The following ATG9B variants were observed in gnomAD, a reference collection of about 807,000 sequenced individuals.
ATG9B encodes autophagy-related protein 9B.
Under a neutral mutation model 92.9 loss-of-function variants are expected in ATG9B, and 92 were observed. That is an observed-to-expected ratio of 0.99 (90% CI 0.84 to 1.18). ATG9B has a LOEUF of 1.18. Ranked by LOEUF, ATG9B falls within the 50% of genes most tolerant of loss-of-function variation. The pLI is 0.00. For synonymous variants in ATG9B, 599 were observed against 551.4 expected (o/e 1.09, Z -1.21); for missense variants, 1,344 against 1,235.0 (o/e 1.09, Z -1.32).
chr7:151,023,594 C>T, intron 2 of ATG9B, 85 bp from the exon 3 acceptor site: 2 of 1,610,018 alleles, frequency 1.2e-6, no homozygotes, highest in Non-Finnish European at 1.7e-6. Context: ...GTCTCCCACC[C>T]ATGACGCCCT....
At chr7:151,019,494 C>CAGTGTGCGGCCTGAAAACCCGCAAACTGA in intron 5 of ATG9B, 120 bp from the exon 6 acceptor site, 1 of 1,325,154 alleles carries the variant, frequency 7.5e-7, no homozygotes, top group Non-Finnish European at 9.9e-7. Context: ...ATCACAAACT[C>CAGTGTGCGGCCTGAAAACCCGCAAACTGA]GCCATGACCA....
In ATG9B at chr7:151,021,196, T is replaced by A; in HGVS notation, c.955A>T (p.Ile319Phe). The change falls in exon 5 of 14, where the codon ATC becomes TTC. Residue 319 changes from isoleucine to phenylalanine, a missense_variant. Transcript: ENST00000639579. Reference protein sequence around the residue: ...IQVFYREALHIPPEELSSVPW... With the variant: ...IQVFYREALHFPPEELSSVPW... ...ACAGCCACCCAGCTCACCGGGGGGA[T>A]GTGCAGGGCCTCCCTGTAAAACACC... 6.2e-7 allele frequency: 1 copy of A among 1,613,352 alleles called. No homozygotes were observed. The highest frequency in any genetic ancestry group is 8.5e-7 in the Non-Finnish European group (1 of 1,179,868).
rs1217288000 is a variant in ATG9B, at chr7:151,021,987, CCTT to C, written c.822-661_822-659del. The stretch of plus-strand genomic sequence containing the variant: ...TTAAAGTTGTTCTCAGCTACAATTT[CCTT>C]CTTTTTTTTTTTTCCTTTTTATTGA... On this transcript the variant is annotated intron_variant, in intron 4 of 13. Transcript: ENST00000639579. Among the ~76,000 whole-genome samples the C allele has an allele frequency of 2.7e-5, 4 of 148,440 alleles. 1 individual carries two copies. Among genetic ancestry groups the C allele is most frequent in the East Asian group, 1.9e-4 (1 of 5,130 alleles).
At chr7:151,014,213 C>G (rs199762416), downstream of ATG9B, 171 of 1,552,554 alleles carry the variant, frequency 1.1e-4, no homozygotes, top group Middle Eastern at 1.1e-3. Flanking sequence ...AGCGGCTGCC[C>G]GACTCAGGTC....
chr7:151,021,992 TTTTTTTTTTTTCC>T (rs1795772721), intron 4 of ATG9B, among the ~76,000 whole-genome samples: 1 of 128,100 alleles, frequency 7.8e-6, no homozygotes, highest in South Asian at 2.3e-4. Context: ...AATTTCCTTC[TTTTTTTTTTTTCC>T]TTTTTATTGA....
At chr7:151,012,224 T>G, downstream of ATG9B, 3 of 841,432 alleles carry the variant, frequency 3.6e-6, no homozygotes, top group Non-Finnish European at 5.2e-6. Flanking sequence ...TTTTGTTTTT[T>G]GTTTTTTTTT....
At position 151,018,760 on chromosome 7, in the gene ATG9B, C is replaced by T. The variant is rs1442670348; in HGVS notation, c.1578G>A (p.Leu526=). Reference sequence around the variant, plus strand: ...CGAAGAAAACGAGCTGGCGGGCCAGCAGCGTGCGCAGGGGCGCGGGGGGCG... The same window carrying T: ...CGAAGAAAACGAGCTGGCGGGCCAGTAGCGTGCGCAGGGGCGCGGGGGGCG... The part of the protein sequence containing the change: ...TAAPPAPLRT[L]LARQLVFFAG... Residue 526 remains leucine, a synonymous_variant, in exon 6 of 14, where the codon CTG becomes CTA. Transcript: ENST00000639579. This position sits in a 1 kb window ranked among gnomAD's most constrained non-coding sequence, Gnocchi z 4.7. 7 of 1,523,978 alleles carry T rather than the reference C, an allele frequency of 4.6e-6. No homozygotes were observed. The highest frequency in any genetic ancestry group is 6.1e-6 in the Non-Finnish European group (7 of 1,141,196). The allele number at this position is 1,523,978 out of a possible 1,614,324, so 94.4% of individuals were successfully genotyped here.
downstream of ATG9B, chr7:151,012,547 G>C: frequency 3.3e-6 from 5 of 1,516,940 alleles, no homozygotes; most frequent in Non-Finnish European, 2.7e-6. Context: ...CTGGAAGGCA[G>C]GAAATAGGAA....
chr7:151,017,693 G>A (rs1795557858), intron 8 of ATG9B, among the ~76,000 whole-genome samples, 178 bp downstream of exon 8: 1 of 152,230 alleles, frequency 6.6e-6, no homozygotes, highest in Non-Finnish European at 1.5e-5. Context: ...GCTCTGGAGA[G>A]CACATTGCCA....
chr7:151,015,762 A>C, intron 13 of ATG9B, 49 bp from the exon 14 acceptor site: 1 of 1,349,872 alleles, frequency 7.4e-7, no homozygotes, highest in Non-Finnish European at 9.8e-7. Flanking sequence ...TCTAGATTCC[A>C]GAGATGACCA....
Position 151,018,978 on chromosome 7 carries a change from G to A in ATG9B, c.1360C>T (p.Leu454=). 1 of 1,579,304 alleles carries A rather than the reference G, an allele frequency of 6.3e-7. No homozygotes were observed. The highest frequency in any genetic ancestry group is 2.3e-5 in the East Asian group (1 of 42,644). ...ALNLALSPLV[L]AWQVLHVFYS... ...AAGACGTGCAGAACCTGCCAGGCCA[G>A]CACCAGCGGGCTCAGCGCCAGGTTC... is the stretch of plus-strand genomic sequence containing the variant. The change falls in exon 6 of 14, where the codon CTG becomes TTG. Residue 454 remains leucine (L), a synonymous_variant. Transcript: ENST00000639579. This position sits in a 1 kb window ranked among gnomAD's most constrained non-coding sequence, Gnocchi z 4.7.
chr7:151,024,063 G>C lies in ATG9B; in HGVS notation c.361C>G (p.Pro121Ala). The change falls in exon 1 of 14, where the codon CCC becomes GCC. Residue 121 changes from proline to alanine, a missense_variant. Physicochemically the swap from Pro to Ala is conservative, Grantham distance 27. Coordinates refer to ENST00000639579, the MANE Select transcript of ATG9B (RefSeq NM_001317056.2). ...SPSWGSHSTP[P>A]LAPATPTPSQ... ...GGAGTGGGGGTTGCCGGGGCCAGGG[G>C]TGGGGTGGAGTGGGATCCCCAGGAG... 1 of 1,594,116 alleles carries C rather than the reference G, an allele frequency of 6.3e-7. No individual in the cohort carries two copies. The highest frequency in any genetic ancestry group is 8.5e-7 in the Non-Finnish European group (1 of 1,170,750).
chr7:151,021,060 T>C, intron 5 of ATG9B, 128 bp downstream of exon 5: 2 of 1,113,564 alleles, frequency 1.8e-6, no homozygotes, highest in Non-Finnish European at 2.6e-6. Flanking sequence ...AGGGCAGGTG[T>C]CAATAAGACC....
downstream of ATG9B, chr7:151,013,552 T>TCCCGCCCCTGC (rs902753979): frequency 1.1e-4 from 103 of 931,752 alleles, no homozygotes; most frequent in African/African-American, 1.4e-3. Flanking sequence ...GCCCGCCTCC[T>TCCCGCCCCTGC]CCCGCCCCTG....
intron 5 of ATG9B, chr7:151,019,819 C>T (rs912502706): frequency 6.3e-6 from 1 of 158,494 alleles, no homozygotes; most frequent in African/African-American, 2.4e-5. Context: ...CTTAGGAGCT[C>T]GAGACCAGCC....
intron 3 of ATG9B, 33 bp from the exon 4 acceptor site, chr7:151,023,239 G>A: frequency 6.2e-7 from 1 of 1,613,642 alleles, no homozygotes; most frequent in Non-Finnish European, 8.5e-7. Flanking sequence ...CCGGGATGCT[G>A]CAGTGATCAG....
rs1795434611 is a variant in ATG9B, at chr7:151,015,319, G to A, written c.*409C>T. 1 of 152,382 alleles carries A rather than the reference G, an allele frequency of 6.6e-6. No individual in the cohort carries two copies. Among genetic ancestry groups the A allele is most frequent in the Non-Finnish European group, 1.5e-5 (1 of 68,190 alleles). The allele number at this position is 152,382 out of a possible 1,614,324, so 9.4% of individuals were successfully genotyped here. A position where few individuals can be genotyped will look rare whatever the true frequency, so the allele number is the denominator to read the frequency against. ...CCCCAAGGAACCTGAAAGTGCTGCT[G>A]GCAGCCGCCAGCATGACGAATCCAC... On this transcript the variant is annotated 3_prime_UTR_variant, in exon 14 of 14. Coordinates refer to ENST00000639579, the MANE Select transcript of ATG9B (RefSeq NM_001317056.2).
rs745760751 is a variant in ATG9B at position 151,018,921 on chromosome 7, G to A, written c.1417C>T (p.Pro473Ser). Reference protein sequence around the residue: ...YSHVELLRREPGALGARGWSR... With the variant: ...YSHVELLRRESGALGARGWSR... ...CAGCCGCGCGCCCCCAGCGCGCCAGGCTCGCGCCGCAGCAGCTCCACGTGG... is the reference window on the plus strand; with the variant it reads ...CAGCCGCGCGCCCCCAGCGCGCCAGACTCGCGCCGCAGCAGCTCCACGTGG... Residue 473 changes from proline (P) to serine (S), a missense_variant, in exon 6 of 14, where the codon CCT becomes TCT. By Grantham distance (74) the Pro-to-Ser change is moderately conservative. Coordinates refer to ENST00000639579, the MANE Select transcript of ATG9B (RefSeq NM_001317056.2). The surrounding 1 kb of genome is among the most constrained non-coding windows in gnomAD (Gnocchi z 4.7). The A allele has an allele frequency of 1.3e-5, 19 of 1,519,046 alleles. No homozygotes were observed. Among genetic ancestry groups the A allele is most frequent in the Admixed American group, 2.2e-5 (1 of 45,764 alleles). 94.1% of individuals were successfully genotyped at this position (1,519,046 alleles called of 1,614,324 possible).
downstream of ATG9B, chr7:151,013,851 A>AGC: frequency 6.2e-7 from 1 of 1,605,596 alleles, no homozygotes; most frequent in Non-Finnish European, 8.5e-7. Flanking sequence ...CAGACCGTGC[A>AGC]GCGCATCCTG....
Sources: gnomAD v4.1 joint callset for allele counts (sites outside exome capture counted in the v4.1 genomes callset) on GRCh38, gnomAD v4.1.1 for gene constraint, Gnocchi (gnomAD v3.1) non-coding constraint, MANE v1.5 for transcripts, NCBI Gene and HGNC (gene_info 2026-07-23, HGNC 2026-07-21) for gene names.